Variants in AGMO observed in about 807,000 individuals in gnomAD.
The protein encoded by AGMO is glyceryl-ether monooxygenase.
In AGMO, 75 loss-of-function variants were observed where a neutral mutation model predicts 60.2. That is an observed-to-expected ratio of 1.25 (90% CI 1.03 to 1.51). AGMO has a LOEUF of 1.51. AGMO is among the 40% of genes most tolerant of loss of function. The pLI is 0.00. For missense variants in AGMO, 763 were observed against 525.5 expected (o/e 1.45, Z -4.42); for synonymous variants, 261 against 177.1 (o/e 1.47, Z -3.76).
chr7:15,556,783 C>G (rs910162781), intron 2 of AGMO, among the ~76,000 whole-genome samples: 5 of 151,938 alleles, frequency 3.3e-5, no homozygotes, highest in East Asian at 1.9e-4. Context: ...ACATATGCAA[C>G]TAATTGTTAG....
the AGMO span, among the ~76,000 whole-genome samples, chr7:15,179,991 T>G: frequency 1.3e-5 from 2 of 152,126 alleles, no homozygotes; most frequent in African/African-American, 4.8e-5. Flanking sequence ...TGGGGCATTC[T>G]CTGGGGGCAT....
chr7:15,349,339 C>T (rs1488622352), intron 12 of AGMO, among the ~76,000 whole-genome samples: 3 of 152,102 alleles, frequency 2.0e-5, no homozygotes, highest in Admixed American at 2.0e-4. Flanking sequence ...TGAGTGCCAT[C>T]CTTGCCAGAA....
rs376879419 is a variant in AGMO at position 15,365,616 on chromosome 7, G to T, written c.1161C>A (p.Pro387=). 3 of 1,609,900 alleles carry T rather than the reference G, an allele frequency of 1.9e-6. No individual in the cohort carries two copies. Among genetic ancestry groups the T allele is most frequent in the Non-Finnish European group, 2.5e-6 (3 of 1,176,934 alleles). Residue 387 remains proline (P), a synonymous_variant, in exon 12 of 13, where the codon CCC becomes CCA. Transcript: ENST00000342526. ...GGAGAGTTTCCATAATAGCTGCCTT[G>T]GGTCTGAAATAAAATGTCATTAACA... ...TSIGFLLDQR[P]KAAIMETLRC...
chr7:15,143,274 G>C, the AGMO span, among the ~76,000 whole-genome samples: 1 of 152,158 alleles, frequency 6.6e-6, no homozygotes, highest in Non-Finnish European at 1.5e-5. Context: ...TTTAGTAACA[G>C]ACAGGCCACT....
Position 15,354,506 on chromosome 7 carries a change from A to ACACG in AGMO, c.1263+11007_1263+11008insCGTG, listed in dbSNP as rs1210926252. Among the ~76,000 whole-genome samples, 7 of 51,022 alleles carry ACACG rather than the reference A, an allele frequency of 1.4e-4. 1 individual carries two copies. The highest frequency in any genetic ancestry group is 1.8e-4 in the African/African-American group (2 of 11,060). The allele number at this position is 51,022 out of a possible 152,430, so 33.5% of individuals were successfully genotyped here. A position where few individuals can be genotyped will look rare whatever the true frequency, so the allele number is the denominator to read the frequency against. ...TGTATATACACACGTGTATATATAT[A>ACACG]TATATATATATATATATATATATAT... On this transcript the variant is annotated intron_variant, in intron 12 of 12. Transcript: ENST00000342526.
At chr7:15,238,157 CTT>C (rs1036516428) in intron 12 of AGMO, among the ~76,000 whole-genome samples, 2 of 151,976 alleles carry the variant, frequency 1.3e-5, no homozygotes, top group African/African-American at 4.8e-5. Context: ...AGTATTGACC[CTT>C]ATATCAATAG....
At chr7:15,273,621 A>G (rs1168638412) in intron 12 of AGMO, among the ~76,000 whole-genome samples, 5 of 152,128 alleles carry the variant, frequency 3.3e-5, no homozygotes, top group Non-Finnish European at 1.5e-5. Flanking sequence ...TTTTAGTTCC[A>G]TATGAACTTT....
At chr7:15,436,094 T>C (rs1781392206) in intron 3 of AGMO, among the ~76,000 whole-genome samples, 1 of 152,190 alleles carries the variant, frequency 6.6e-6, no homozygotes, top group Non-Finnish European at 1.5e-5. Context: ...AGAAATATTA[T>C]AGGCCTATTT....
intron 12 of AGMO, among the ~76,000 whole-genome samples, chr7:15,251,006 C>A (rs1035391963): frequency 6.6e-6 from 1 of 151,692 alleles, no homozygotes; most frequent in Non-Finnish European, 1.5e-5. Context: ...ATTTCTGAAC[C>A]AACAAAGTTT....
rs77107255 is a variant in AGMO, at chr7:15,329,475, C to G, written c.1263+36039G>C. 1.5e-4 allele frequency among the ~76,000 whole-genome samples: 23 copies of G among 152,190 alleles called. No homozygotes were observed. In the East Asian group the frequency reaches 4.1e-3, roughly 27 times the overall value. On this transcript the variant is annotated intron_variant, in intron 12 of 12. Transcript: ENST00000342526. Reference sequence around the variant, plus strand: ...TTGTCTATCCTTGTGTGGCCTTGAACCAGGCAAACAAAAAATACGTCCTTA... The same window carrying G: ...TTGTCTATCCTTGTGTGGCCTTGAAGCAGGCAAACAAAAAATACGTCCTTA...
At chr7:15,287,863 A>G (rs1310358262) in intron 12 of AGMO, among the ~76,000 whole-genome samples, 1 of 152,168 alleles carries the variant, frequency 6.6e-6, no homozygotes, top group Admixed American at 6.5e-5. Context: ...TTTCTCCAGA[A>G]TTCTAACCTT....
intron 10 of AGMO, among the ~76,000 whole-genome samples, chr7:15,382,839 T>G (rs1375836861): frequency 1.3e-5 from 2 of 152,188 alleles, no homozygotes; most frequent in Non-Finnish European, 2.9e-5. Context: ...CAGGCATTTT[T>G]ATATGTCACT....
chr7:15,125,030 A>AAAC, the AGMO span, among the ~76,000 whole-genome samples: 9 of 151,810 alleles, frequency 5.9e-5, no homozygotes, highest in Non-Finnish European at 1.0e-4. Context: ...GGGAAGGTTA[A>AAAC]AACAGTATTT....
At chr7:15,182,585 T>C in the AGMO span, among the ~76,000 whole-genome samples, 1 of 152,008 alleles carries the variant, frequency 6.6e-6, no homozygotes, top group Non-Finnish European at 1.5e-5. Context: ...CTGGCTAATT[T>C]TTTGTATTTC....
chr7:15,542,870 T>C (rs761872158), intron 3 of AGMO, among the ~76,000 whole-genome samples: 7 of 152,222 alleles, frequency 4.6e-5, no homozygotes, highest in Non-Finnish European at 1.0e-4. Context: ...CTAACTCATA[T>C]ATTCACTTCA....
intron 5 of AGMO, among the ~76,000 whole-genome samples, chr7:15,410,769 A>G (rs1780568980): frequency 6.6e-6 from 1 of 151,994 alleles, no homozygotes; most frequent in African/African-American, 2.4e-5. Context: ...CTTAGGGATT[A>G]AATTGCCTGA....
intron 1 of AGMO, among the ~76,000 whole-genome samples, chr7:15,560,710 A>G (rs1158600145): frequency 6.6e-6 from 1 of 152,188 alleles, no homozygotes; most frequent in Non-Finnish European, 1.5e-5. Flanking sequence ...ACTATTTCTA[A>G]TGATGAAATT....
chr7:15,302,147 G>A lies in AGMO; in HGVS notation c.1263+63367C>T, dbSNP rs540707715. On this transcript the variant is annotated intron_variant, in intron 12 of 12. Coordinates refer to ENST00000342526, the MANE Select transcript of AGMO (RefSeq NM_001004320.2). Reference sequence around the variant, plus strand: ...ATCAAAACATTAATTATCCTTTTGAGTCAATGAATTAATTGGTACTTATTA... The same window carrying A: ...ATCAAAACATTAATTATCCTTTTGAATCAATGAATTAATTGGTACTTATTA... Among the ~76,000 whole-genome samples the A allele has an allele frequency of 1.1e-3, 166 of 152,216 alleles. 1 individual carries two copies. In the South Asian group the frequency reaches 0.019, roughly 18 times the overall value.
intron 12 of AGMO, among the ~76,000 whole-genome samples, chr7:15,350,876 T>C (rs2128553738): frequency 6.6e-6 from 1 of 152,202 alleles, no homozygotes; most frequent in Admixed American, 6.5e-5. Context: ...GAAGAATAAA[T>C]GAGGCATTAT....
Sources: gnomAD v4.1 joint callset for allele counts (sites outside exome capture counted in the v4.1 genomes callset) on GRCh38, gnomAD v4.1.1 for gene constraint, MANE v1.5 for transcripts, NCBI Gene and HGNC (gene_info 2026-07-23, HGNC 2026-07-21) for gene names.